DNM3: variants seen among roughly 807,000 people sequenced by gnomAD.
DNM3 encodes dynamin 3.
In DNM3, 47 loss-of-function variants were observed where a neutral mutation model predicts 101.6. The ratio of observed to expected loss-of-function variants is 0.46; its 90% confidence interval spans 0.37 to 0.59. DNM3 has a LOEUF of 0.59. DNM3 is among the 20% of genes least tolerant of loss of function. DNM3 has a pLI of 0.00. For synonymous variants in DNM3, 385 were observed against 387.9 expected (o/e 0.99, Z 0.09); for missense variants, 849 against 1,085.7 (o/e 0.78, Z 3.06).
rs527290103 is a variant in DNM3 at position 172,365,845 on chromosome 1, A to C, written c.1894-13173A>C. Among the ~76,000 whole-genome samples the C allele has an allele frequency of 2.0e-5, 3 of 152,078 alleles. No homozygotes were observed. In the South Asian group the frequency reaches 6.2e-4, roughly 32 times the overall value. ...CAAACACTGTACGTGAGAAGTCATA[A>C]TCTTTAAAGATACAGGATTTGTCTT... On this transcript the variant is annotated intron_variant, in intron 17 of 20. Transcript: ENST00000627582.
At chr1:172,369,939 C>G (rs570053404) in intron 17 of DNM3, among the ~76,000 whole-genome samples, 56 of 152,020 alleles carry the variant, frequency 3.7e-4, no homozygotes, top group Non-Finnish European at 6.9e-4. Context: ...GATCTTCCCT[C>G]TGTGTGTGCC....
Position 172,042,145 on chromosome 1 carries a change from G to T in DNM3, c.1128+1G>T. 1.3e-6 allele frequency: 2 copies of T among 1,589,696 alleles called. No homozygotes were observed. The highest frequency in any genetic ancestry group is 1.9e-5 in the Admixed American group (1 of 52,340). ...ACGCTTTCCTTTTGAGATAGTAAAG[G>T]TTTGTGTCAAACGTTATTTTTTTCT... On this transcript the variant is annotated splice_donor_variant, in intron 8 of 20. Coordinates refer to ENST00000627582, the MANE Select transcript of DNM3 (RefSeq NM_015569.5). LOFTEE classifies it high-confidence loss of function.
intron 10 of DNM3, among the ~76,000 whole-genome samples, chr1:172,062,514 T>C (rs2051321416): frequency 6.6e-6 from 1 of 152,190 alleles, no homozygotes; most frequent in East Asian, 1.9e-4. Context: ...TTCCATCTTA[T>C]ACCTCACCAC....
At chr1:171,919,573 T>C (rs2039994814) in intron 1 of DNM3, among the ~76,000 whole-genome samples, 1 of 152,182 alleles carries the variant, frequency 6.6e-6, no homozygotes, top group South Asian at 2.1e-4. Context: ...CTGCATTCAT[T>C]TTGATTCTCA....
At chr1:171,911,273 C>CTTTTTTTTTTTT (rs151321245) in intron 1 of DNM3, among the ~76,000 whole-genome samples, 3 of 90,752 alleles carry the variant, frequency 3.3e-5, no homozygotes, top group South Asian at 4.6e-4. Flanking sequence ...ACCCCAACAT[C>CTTTTTTTTTTTT]TTTTTTTTTT....
At chr1:172,000,487 G>T (rs896357275) in intron 4 of DNM3, among the ~76,000 whole-genome samples, 2 of 152,072 alleles carry the variant, frequency 1.3e-5, no homozygotes, top group Non-Finnish European at 2.9e-5. Flanking sequence ...TTAAAATGCT[G>T]CTCTCTGAGG....
intron 2 of DNM3, among the ~76,000 whole-genome samples, chr1:171,927,360 A>T (rs1043148338): frequency 6.6e-6 from 1 of 151,844 alleles, no homozygotes; most frequent in Non-Finnish European, 1.5e-5. Flanking sequence ...CAGTAAGCCC[A>T]GTGCTCAAGT....
chr1:172,064,073 C>T (rs2051462958), intron 10 of DNM3, among the ~76,000 whole-genome samples: 1 of 152,128 alleles, frequency 6.6e-6, no homozygotes, highest in Non-Finnish European at 1.5e-5. Context: ...TGGAGCTGGA[C>T]TGTAGCAGTT....
At chr1:171,852,683 G>T (rs1571248997) in intron 1 of DNM3, among the ~76,000 whole-genome samples, 1 of 152,208 alleles carries the variant, frequency 6.6e-6, no homozygotes, top group Non-Finnish European at 1.5e-5. Context: ...TAGAACAAAT[G>T]GGTGAATGTT....
chr1:171,965,379 C>CA lies in DNM3; in HGVS notation c.236-22263dup, dbSNP rs113148882. 7.9e-3 allele frequency among the ~76,000 whole-genome samples: 882 copies of CA among 111,012 alleles called. 8 individuals are homozygous for CA. The highest frequency in any genetic ancestry group is 0.022 in the African/African-American group (648 of 29,810). 72.8% of individuals were successfully genotyped at this position (111,012 alleles called of 152,430 possible). A position where few individuals can be genotyped will look rare whatever the true frequency, so the allele number is the denominator to read the frequency against. On this transcript the variant is annotated intron_variant, in intron 2 of 20. Coordinates refer to ENST00000627582, the MANE Select transcript of DNM3 (RefSeq NM_015569.5). Reference sequence around the variant, plus strand: ...GCAACATGGCAAGACCCTGTGTCTACAAAAAAAAAAAAAATACACAAAAAT... The same window carrying CA: ...GCAACATGGCAAGACCCTGTGTCTACAAAAAAAAAAAAAAATACACAAAAAT...
intron 1 of DNM3, among the ~76,000 whole-genome samples, chr1:171,867,848 A>C (rs2034908171): frequency 6.6e-6 from 1 of 152,180 alleles, no homozygotes; most frequent in Non-Finnish European, 1.5e-5. Flanking sequence ...TTTATTCATC[A>C]AAGATGTCAC....
At chr1:172,268,274 T>TAAA (rs369755878) in intron 15 of DNM3, among the ~76,000 whole-genome samples, 1 of 136,612 alleles carries the variant, frequency 7.3e-6, no homozygotes. Context: ...AGCAAGTCAG[T>TAAA]AAAAAAAAAA....
intron 19 of DNM3, among the ~76,000 whole-genome samples, chr1:172,387,933 A>T (rs941604161): frequency 6.6e-6 from 1 of 151,756 alleles, no homozygotes; most frequent in Non-Finnish European, 1.5e-5. Context: ...GGGAAGCTTT[A>T]AAAAAAAGGG....
intron 2 of DNM3, among the ~76,000 whole-genome samples, chr1:171,936,389 G>T (rs554928358): frequency 3.3e-5 from 5 of 151,990 alleles, no homozygotes; most frequent in Admixed American, 1.3e-4. Context: ...CTGTTGGCGG[G>T]TTATAACAGT....
At chr1:171,934,838 G>T (rs1303866966) in intron 2 of DNM3, among the ~76,000 whole-genome samples, 1 of 152,196 alleles carries the variant, frequency 6.6e-6, no homozygotes, top group Non-Finnish European at 1.5e-5. Context: ...AAACTAAAAT[G>T]ATGAGTAGCT....
intron 18 of DNM3, among the ~76,000 whole-genome samples, chr1:172,385,052 A>T (rs1331921227): frequency 1.3e-5 from 2 of 152,162 alleles, no homozygotes; most frequent in Non-Finnish European, 2.9e-5. Flanking sequence ...TCTCCTACTC[A>T]TCCAAATGTC....
chr1:171,963,698 T>A (rs951184310), intron 2 of DNM3, among the ~76,000 whole-genome samples: 17 of 151,358 alleles, frequency 1.1e-4, no homozygotes, highest in Admixed American at 3.3e-4. Context: ...GGTCTTTTTT[T>A]TAAAAAGTGG....
chr1:171,982,344 T>A (rs2044863399), intron 2 of DNM3, among the ~76,000 whole-genome samples: 1 of 152,150 alleles, frequency 6.6e-6, no homozygotes, highest in Non-Finnish European at 1.5e-5. Flanking sequence ...ACTACAATTA[T>A]CATCATAGAG....
intron 10 of DNM3, among the ~76,000 whole-genome samples, chr1:172,067,788 A>G (rs1289116843): frequency 6.6e-6 from 1 of 152,200 alleles, no homozygotes; most frequent in African/African-American, 2.4e-5. Flanking sequence ...TGATTGACAT[A>G]CACAATTTCC....
Sources: gnomAD v4.1 joint callset for allele counts (sites outside exome capture counted in the v4.1 genomes callset) on GRCh38, gnomAD v4.1.1 for gene constraint, MANE v1.5 for transcripts, NCBI Gene and HGNC (gene_info 2026-07-23, HGNC 2026-07-21) for gene names.